The following ANO3 variants were observed in gnomAD, a reference collection of about 807,000 sequenced individuals.
The protein encoded by ANO3 is anoctamin-3.
ANO3 carries 99 observed loss-of-function variants against 144.8 expected under a neutral mutation model. The observed-to-expected ratio is 0.68, with a 90% CI of 0.58 to 0.81. The LOEUF is 0.81. ANO3 is among the 30% of genes least tolerant of loss of function. ANO3 has a pLI of 0.00. For missense variants in ANO3, 905 were observed against 1,202.2 expected, an observed-to-expected ratio of 0.75 and a Z score of 3.66; for synonymous variants, 414 against 392.6, an observed-to-expected ratio of 1.05 and a Z score of -0.64.
chr11:26,450,938 T>A (rs1858907490), intron 3 of ANO3, among the ~76,000 whole-genome samples: 1 of 152,248 alleles, frequency 6.6e-6, no homozygotes, highest in Admixed American at 6.5e-5. Flanking sequence ...GTTTATGTTG[T>A]GATCATAATA....
intron 1 of ANO3, among the ~76,000 whole-genome samples, chr11:26,190,110 A>G (rs1266097175): frequency 6.6e-6 from 1 of 152,202 alleles, no homozygotes; most frequent in Non-Finnish European, 1.5e-5. Context: ...ATCCTTCCTT[A>G]TAAAATAAGG....
At chr11:26,637,789 C>G (rs574112261) in intron 20 of ANO3, among the ~76,000 whole-genome samples, 1 of 144,120 alleles carries the variant, frequency 6.9e-6, no homozygotes, top group South Asian at 2.3e-4. Flanking sequence ...CTTATTTGTT[C>G]TCTTTGAAGT....
chr11:26,431,985 G>C (rs76822116), intron 1 of ANO3, among the ~76,000 whole-genome samples: 1,838 of 152,242 alleles, frequency 0.012, 29 homozygotes, highest in African/African-American at 0.041. Context: ...TCACCAAACT[G>C]CTTTTCACAG....
At chr11:26,266,432 AT>A (rs201955022) in intron 1 of ANO3, among the ~76,000 whole-genome samples, 20,298 of 134,112 alleles carry the variant, frequency 0.15, 1,239 homozygotes, top group Admixed American at 0.21. Context: ...AACAAATGTA[AT>A]TTTTTTTTTT....
chr11:26,480,669 G>A (rs1024846862), intron 4 of ANO3, among the ~76,000 whole-genome samples: 5 of 151,924 alleles, frequency 3.3e-5, no homozygotes, highest in Admixed American at 2.6e-4. Flanking sequence ...TTAGCCAGGC[G>A]TGGTGGCTCG....
At chr11:26,397,024 A>G (rs1857033078) in intron 1 of ANO3, among the ~76,000 whole-genome samples, 1 of 151,800 alleles carries the variant, frequency 6.6e-6, no homozygotes, top group Non-Finnish European at 1.5e-5. Flanking sequence ...AATAAAGTAA[A>G]ATGGATTATT....
intron 1 of ANO3, among the ~76,000 whole-genome samples, chr11:26,248,475 T>A (rs1347953360): frequency 2.0e-5 from 3 of 152,222 alleles, no homozygotes; most frequent in Non-Finnish European, 4.4e-5. Flanking sequence ...TTACTTTGAT[T>A]TCTGCTTACT....
chr11:26,192,372 G>A (rs1014777265), intron 1 of ANO3, among the ~76,000 whole-genome samples: 1 of 152,020 alleles, frequency 6.6e-6, no homozygotes, highest in African/African-American at 2.4e-5. Flanking sequence ...GTAGAAGAGA[G>A]GTCTACCTTT....
intron 1 of ANO3, among the ~76,000 whole-genome samples, chr11:26,228,593 AG>A (rs1450578348): frequency 2.0e-5 from 3 of 152,208 alleles, no homozygotes; most frequent in African/African-American, 7.2e-5. Context: ...GAGATGAAGA[AG>A]TTGAGCCGCT....
chr11:26,226,566 T>G (rs759439119), intron 1 of ANO3, among the ~76,000 whole-genome samples: 3 of 152,128 alleles, frequency 2.0e-5, no homozygotes, highest in Non-Finnish European at 4.4e-5. Context: ...TCATAGTATA[T>G]GACAATTTTA....
intron 1 of ANO3, among the ~76,000 whole-genome samples, chr11:26,437,860 G>A (rs1318525949): frequency 5.3e-5 from 8 of 152,086 alleles, no homozygotes; most frequent in Admixed American, 5.2e-4. Context: ...TAAAAATATT[G>A]GGAATTAGAA....
In ANO3 at chr11:26,394,570, CTTTTTT is replaced by C. The variant is rs56118844; in HGVS notation, c.47-47334_47-47329del. Among the ~76,000 whole-genome samples, 236 of 115,742 alleles carry C rather than the reference CTTTTTT, an allele frequency of 2.0e-3. 1 individual carries two copies. Among genetic ancestry groups the C allele is most frequent in the South Asian group, 0.018 (64 of 3,528 alleles). 75.9% of individuals were successfully genotyped at this position (115,742 alleles called of 152,430 possible). On this transcript the variant is annotated intron_variant, in intron 1 of 26. Coordinates refer to ENST00000256737, the MANE Select transcript of ANO3 (RefSeq NM_031418.4). Reference sequence around the variant, plus strand: ...ACATTAAAAAAATTGATTTCATTTTCTTTTTTTTTTTTTTTTTTTGTTTGGAGATGG... The same window carrying C: ...ACATTAAAAAAATTGATTTCATTTTCTTTTTTTTTTTTTGTTTGGAGATGG...
At chr11:26,493,499 T>A (rs1860798714) in intron 4 of ANO3, among the ~76,000 whole-genome samples, 1 of 152,236 alleles carries the variant, frequency 6.6e-6, no homozygotes, top group African/African-American at 2.4e-5. Flanking sequence ...TTATAAAAGA[T>A]GCACATCAGT....
chr11:26,232,785 A>G (rs779717229), intron 1 of ANO3, among the ~76,000 whole-genome samples: 6 of 152,216 alleles, frequency 3.9e-5, no homozygotes, highest in Admixed American at 6.5e-5. Flanking sequence ...GACAAATGGG[A>G]TCTAATCAAA....
intron 1 of ANO3, among the ~76,000 whole-genome samples, chr11:26,341,846 C>T (rs1012702300): frequency 1.1e-4 from 17 of 152,132 alleles, no homozygotes; most frequent in African/African-American, 4.1e-4. Context: ...GTCTGATGTT[C>T]CAGGACAGGA....
chr11:26,335,588 A>G (rs1855171439), intron 1 of ANO3, among the ~76,000 whole-genome samples: 1 of 152,214 alleles, frequency 6.6e-6, no homozygotes, highest in Admixed American at 6.5e-5. Context: ...TTAGGTTTGT[A>G]ATTAACTTTA....
intron 1 of ANO3, among the ~76,000 whole-genome samples, chr11:26,205,952 A>G (rs1851787938): frequency 6.6e-6 from 1 of 152,228 alleles, no homozygotes; most frequent in South Asian, 2.1e-4. Context: ...TCGGCAGCCA[A>G]CAACAGTGTA....
intron 14 of ANO3, among the ~76,000 whole-genome samples, chr11:26,576,463 A>T (rs749330529): frequency 6.6e-5 from 10 of 152,182 alleles, no homozygotes; most frequent in Non-Finnish European, 1.3e-4. Context: ...GTGTACAAGC[A>T]CATATTAGAT....
intron 4 of ANO3, among the ~76,000 whole-genome samples, chr11:26,469,324 A>ATG (rs1363301012): frequency 1.3e-5 from 2 of 151,856 alleles, no homozygotes; most frequent in African/African-American, 4.8e-5. Context: ...GTGTGCATGT[A>ATG]TGTGTGTGTG....
Sources: allele counts gnomAD v4.1 joint callset (sites outside exome capture counted in the v4.1 genomes callset), GRCh38; gene constraint gnomAD v4.1.1; transcripts MANE v1.5; gene names NCBI Gene and HGNC (gene_info 2026-07-23, HGNC 2026-07-21).